Variants in CA10 observed in about 807,000 individuals in gnomAD.
The protein encoded by CA10 is carbonic anhydrase-related protein 10.
Under a neutral mutation model 44.2 loss-of-function variants are expected in CA10, and 14 were observed. That is an observed-to-expected ratio of 0.32 (90% CI 0.21 to 0.50). CA10 has a LOEUF of 0.50. Among genes scored for constraint, CA10 ranks in the 20% least tolerant of loss-of-function variants. The pLI, the probability that CA10 is intolerant of heterozygous loss-of-function variation, is 0.99. For missense variants in CA10, 350 were observed against 409.7 expected, an observed-to-expected ratio of 0.85 and a Z score of 1.26; for synonymous variants, 159 against 141.6, an observed-to-expected ratio of 1.12 and a Z score of -0.87.
intron 2 of CA10, among the ~76,000 whole-genome samples, chr17:52,018,872 C>T (rs555209475): frequency 3.6e-4 from 54 of 151,890 alleles, no homozygotes; most frequent in African/African-American, 1.0e-3. Context: ...GTTTGGGTCA[C>T]GGGGGTAGAT....
rs1988431860 is a variant in CA10 at position 52,097,466 on chromosome 17, TCAAC to T, written c.62-25077_62-25074del. 2.0e-5 allele frequency among the ~76,000 whole-genome samples: 3 copies of T among 152,298 alleles called. 1 individual carries two copies. In the South Asian group the frequency reaches 6.2e-4, roughly 32 times the overall value. On this transcript the variant is annotated intron_variant, in intron 1 of 8. Transcript: ENST00000451037. ...AACATTTTACTTCTCCCAGAAAAGC[TCAAC>T]CAATTTCTCTTGCACTTCTAATTTT...
intron 4 of CA10, among the ~76,000 whole-genome samples, chr17:51,708,727 AAGC>A (rs1276676075): frequency 6.6e-6 from 1 of 152,188 alleles, no homozygotes; most frequent in Admixed American, 6.5e-5. Context: ...AGGTAGAATA[AAGC>A]AGGCAGAAGA....
chr17:52,063,340 C>T (rs1468155304), intron 2 of CA10, among the ~76,000 whole-genome samples: 3 of 152,098 alleles, frequency 2.0e-5, no homozygotes, highest in Admixed American at 1.3e-4. Flanking sequence ...TTAAGACTTT[C>T]GGGACCATTG....
At chr17:52,135,684 T>C (rs1989342023) in intron 1 of CA10, among the ~76,000 whole-genome samples, 1 of 152,184 alleles carries the variant, frequency 6.6e-6, no homozygotes, top group Non-Finnish European at 1.5e-5. Context: ...CAACACTTTA[T>C]GAGAAATAAA....
chr17:51,968,340 G>A (rs897319767), intron 2 of CA10, among the ~76,000 whole-genome samples: 9 of 151,752 alleles, frequency 5.9e-5, no homozygotes, highest in African/African-American at 2.2e-4. Flanking sequence ...AAGAAACAGT[G>A]GTTTTGTTGC....
intron 3 of CA10, among the ~76,000 whole-genome samples, chr17:51,767,851 G>T (rs912387416): frequency 6.6e-6 from 1 of 151,866 alleles, no homozygotes; most frequent in Non-Finnish European, 1.5e-5. Flanking sequence ...TAATAATAGG[G>T]TTCATGCTCT....
intron 1 of CA10, among the ~76,000 whole-genome samples, chr17:52,128,037 A>G (rs1989157282): frequency 6.6e-6 from 1 of 152,222 alleles, no homozygotes; most frequent in Non-Finnish European, 1.5e-5. Flanking sequence ...ACAAAGAGGT[A>G]TGTAAATCTA....
intron 4 of CA10, among the ~76,000 whole-genome samples, chr17:51,743,933 A>C (rs944689577): frequency 6.6e-6 from 1 of 152,236 alleles, no homozygotes; most frequent in Admixed American, 6.5e-5. Context: ...TAAAAGTTGA[A>C]ATTCATTTTT....
At chr17:51,829,404 T>C (rs1007702450) in intron 3 of CA10, among the ~76,000 whole-genome samples, 3 of 152,160 alleles carry the variant, frequency 2.0e-5, no homozygotes, top group Non-Finnish European at 2.9e-5. Context: ...GCTGAGGCTG[T>C]GTTCCATGGG....
In CA10 at chr17:52,157,888, C is replaced by T; in HGVS notation, c.-102G>A. The stretch of plus-strand genomic sequence containing the variant: ...ATACACACTCGCACACACTTCCGAG[C>T]GAGTGCACACTCGCACTCCCACCCG... On this transcript the variant is annotated 5_prime_UTR_variant, in exon 1 of 9. Transcript: ENST00000451037. 1 of 914,858 alleles carries T rather than the reference C, an allele frequency of 1.1e-6. No homozygotes were observed. The highest frequency in any genetic ancestry group is 1.8e-6 in the Non-Finnish European group (1 of 548,266). The allele number at this position is 914,858 out of a possible 1,614,324, so 56.7% of individuals were successfully genotyped here. A position where few individuals can be genotyped will look rare whatever the true frequency, so the allele number is the denominator to read the frequency against.
chr17:51,705,049 TTCC>T lies in CA10; in HGVS notation c.465+42581_465+42583del, dbSNP rs1915722833. Among the ~76,000 whole-genome samples, 3 of 152,164 alleles carry T rather than the reference TTCC, an allele frequency of 2.0e-5. No individual in the cohort carries two copies. The South Asian group carries it at 6.2e-4, about 32-fold the overall frequency. On this transcript the variant is annotated intron_variant, in intron 4 of 8. Transcript: ENST00000451037. ...TTCATCCCTGCAGTGGTGGATTCTATTCCTCTTCGGCTAAAGATCAACATTCTT... is the reference window on the plus strand; with the variant it reads ...TTCATCCCTGCAGTGGTGGATTCTATTCTTCGGCTAAAGATCAACATTCTT...
intron 3 of CA10, among the ~76,000 whole-genome samples, chr17:51,890,640 C>G (rs569360374): frequency 6.6e-6 from 1 of 152,220 alleles, no homozygotes; most frequent in South Asian, 2.1e-4. Context: ...AATGAGTGAA[C>G]AGTATATTAA....
At chr17:51,974,372 G>A (rs2144075336) in intron 2 of CA10, among the ~76,000 whole-genome samples, 1 of 133,710 alleles carries the variant, frequency 7.5e-6, no homozygotes. Flanking sequence ...AACAGAGTGA[G>A]ACTCCATCTC....
chr17:52,150,928 A>C (rs1226006877), intron 1 of CA10, among the ~76,000 whole-genome samples: 1 of 152,152 alleles, frequency 6.6e-6, no homozygotes, highest in Non-Finnish European at 1.5e-5. Flanking sequence ...ATTTATAAAA[A>C]ATGAATTTTT....
chr17:52,006,599 A>G (rs975463020), intron 2 of CA10, among the ~76,000 whole-genome samples: 2 of 151,698 alleles, frequency 1.3e-5, no homozygotes, highest in South Asian at 2.1e-4. Context: ...TATTTTTATC[A>G]CCTATCTGCA....
In CA10 at chr17:52,007,169, T is replaced by C. The variant is rs564108180; in HGVS notation, c.136+65150A>G. Among the ~76,000 whole-genome samples, 15 of 151,850 alleles carry C rather than the reference T, an allele frequency of 9.9e-5. No homozygotes were observed. The South Asian group carries it at 3.1e-3, about 31-fold the overall frequency. On this transcript the variant is annotated intron_variant, in intron 2 of 8. Coordinates refer to ENST00000451037, the MANE Select transcript of CA10 (RefSeq NM_020178.5). ...GTTTGGCTGGAAATTCATTTTCAAA[T>C]ATCTATATAATCATATCATATTCAA...
At chr17:51,692,205 CT>C (rs1317496062) in intron 4 of CA10, among the ~76,000 whole-genome samples, 2 of 141,294 alleles carry the variant, frequency 1.4e-5, no homozygotes, top group Non-Finnish European at 3.1e-5. Flanking sequence ...TTGTAGATAG[CT>C]TTTACTTCTT....
At chr17:51,670,194 G>A (rs749948030) in intron 4 of CA10, among the ~76,000 whole-genome samples, 1 of 152,124 alleles carries the variant, frequency 6.6e-6, no homozygotes, top group Non-Finnish European at 1.5e-5. Flanking sequence ...ATGGACCCTT[G>A]CCTGACCTTC....
intron 4 of CA10, among the ~76,000 whole-genome samples, chr17:51,672,517 T>C (rs1445986798): frequency 6.6e-6 from 1 of 152,168 alleles, no homozygotes; most frequent in African/African-American, 2.4e-5. Context: ...TCATCACCCC[T>C]ATTTTGCAGA....
Sources: allele counts gnomAD v4.1 joint callset (sites outside exome capture counted in the v4.1 genomes callset), GRCh38; gene constraint gnomAD v4.1.1; transcripts MANE v1.5; gene names NCBI Gene and HGNC (gene_info 2026-07-23, HGNC 2026-07-21).